The following DNM2 variants were observed in gnomAD, a reference collection of about 807,000 sequenced individuals.
DNM2 encodes dynamin 2.
DNM2 carries 15 observed loss-of-function variants against 99.0 expected under a neutral mutation model. The ratio of observed to expected loss-of-function variants is 0.15; its 90% CI spans 0.10 to 0.23. The LOEUF (loss-of-function observed/expected upper bound fraction) is 0.23, where lower values mean the gene tolerates loss of function less well. Among genes scored for constraint, DNM2 ranks in the 10% least tolerant of loss-of-function variants. The pLI is 1.00. For synonymous variants in DNM2, 525 were observed against 481.2 expected, an observed-to-expected ratio of 1.09 and a Z score of -1.19; for missense variants, 742 against 1,189.4, an observed-to-expected ratio of 0.62 and a Z score of 5.53.
intron 6 of DNM2, 179 bp from the exon 7 acceptor site, chr19:10,786,385 G>T (rs1024710004): frequency 9.5e-7 from 1 of 1,055,418 alleles, no homozygotes; most frequent in Non-Finnish European, 1.4e-6. Context: ...TGCCGTCTCC[G>T]TTCCCAGACA....
chr19:10,807,341 A>G (rs1237639127), intron 13 of DNM2, among the ~76,000 whole-genome samples: 2 of 151,678 alleles, frequency 1.3e-5, no homozygotes, highest in Non-Finnish European at 2.9e-5. Flanking sequence ...CCCGGGTTCA[A>G]GCAATTCTCT....
intron 2 of DNM2, among the ~76,000 whole-genome samples, chr19:10,767,235 T>A (rs986511096): frequency 1.4e-5 from 2 of 143,278 alleles, no homozygotes; most frequent in South Asian, 2.2e-4. Context: ...AAAAAAAAAA[T>A]CATCTCATCT....
intron 1 of DNM2, among the ~76,000 whole-genome samples, chr19:10,739,047 A>T (rs2069640666): frequency 6.6e-6 from 1 of 151,514 alleles, no homozygotes; most frequent in Non-Finnish European, 1.5e-5. Context: ...GGGCGCCTGT[A>T]CTGTAGTCCC....
At chr19:10,723,216 C>T (rs190916536) in intron 1 of DNM2, among the ~76,000 whole-genome samples, 362 of 151,030 alleles carry the variant, frequency 2.4e-3, no homozygotes, top group Non-Finnish European at 4.1e-3. Context: ...CTCACCGCAA[C>T]CTCCCCTCCT....
At chr19:10,781,594 A>T (rs1222192696) in intron 5 of DNM2, 5 of 152,250 alleles carry the variant, frequency 3.3e-5, no homozygotes, top group African/African-American at 1.2e-4. Context: ...CAGCATGGCC[A>T]ACATGGTGAA....
intron 1 of DNM2, among the ~76,000 whole-genome samples, chr19:10,745,775 T>C (rs779452655): frequency 1.6e-4 from 24 of 152,022 alleles, no homozygotes; most frequent in Non-Finnish European, 2.4e-4. Flanking sequence ...CAGGGCAACA[T>C]GAAGGGGAGG....
intron 6 of DNM2, among the ~76,000 whole-genome samples, chr19:10,785,133 C>T (rs1599550166): frequency 1.3e-5 from 2 of 149,548 alleles, no homozygotes; most frequent in Admixed American, 1.3e-4. Flanking sequence ...TTCCCCTCAA[C>T]CCCAGATGGA....
In DNM2 at chr19:10,795,795, G is replaced by A; in HGVS notation, c.1196+356G>A. 1.7e-6 allele frequency: 1 copy of A among 598,980 alleles called. No individual in the cohort carries two copies. Among genetic ancestry groups the A allele is most frequent in the South Asian group, 2.0e-5 (1 of 51,248 alleles). The allele number at this position is 598,980 out of a possible 1,614,324, so 37.1% of individuals were successfully genotyped here. ...AATCAGGGTTTTGGGAAGCCAGCATGAGTCCCCATCATGGCTTCCTCGTGA... is the reference window on the plus strand; with the variant it reads ...AATCAGGGTTTTGGGAAGCCAGCATAAGTCCCCATCATGGCTTCCTCGTGA... On this transcript the variant is annotated intron_variant, in intron 9 of 20. Transcript: ENST00000389253. The surrounding 1 kb of genome is among the most constrained non-coding windows in gnomAD (Gnocchi z 4.2).
intron 3 of DNM2, among the ~76,000 whole-genome samples, chr19:10,773,544 G>A (rs1599525339): frequency 6.6e-6 from 1 of 151,312 alleles, no homozygotes; most frequent in South Asian, 2.1e-4. Flanking sequence ...CACCTCCCGG[G>A]TTCAAGCAAT....
At chr19:10,741,371 A>G (rs957018855) in intron 1 of DNM2, among the ~76,000 whole-genome samples, 4 of 151,914 alleles carry the variant, frequency 2.6e-5, no homozygotes, top group Admixed American at 6.6e-5. Context: ...AGCTGGGACC[A>G]CAGGCGTGTG....
At position 10,775,696 on chromosome 19, in the gene DNM2, C is replaced by A. The variant is rs746890535; in HGVS notation, c.386-7C>A. On this transcript the variant is annotated splice_region_variant and splice_polypyrimidine_tract_variant and intron_variant, in intron 3 of 20. Coordinates refer to ENST00000389253, the MANE Select transcript of DNM2 (RefSeq NM_001005361.3). This position sits in a 1 kb window ranked among gnomAD's most constrained non-coding sequence, Gnocchi z 4.3. ...CTGAATGCCTTTCCTTCTGGTTTCC[C>A]TCCCAGTGTTGAACTTGACCCTCAT... The A allele has an allele frequency of 6.2e-7, 1 of 1,614,136 alleles. No individual in the cohort carries two copies. Among genetic ancestry groups the A allele is most frequent in the South Asian group, 1.1e-5 (1 of 91,062 alleles).
In DNM2 at chr19:10,772,459, C is replaced by T. The variant is rs920150388; in HGVS notation, c.236-20C>T. 5.6e-6 allele frequency: 9 copies of T among 1,613,616 alleles called. No individual in the cohort carries two copies. The highest frequency in any genetic ancestry group is 7.6e-6 in the Non-Finnish European group (9 of 1,179,990). ...GCCCACAGCTCTTTCTCATTTTCAG[C>T]ATCTCTCTTCCCTTTCTAGAACATG... is the stretch of plus-strand genomic sequence containing the variant. On this transcript the variant is annotated intron_variant, in intron 2 of 20. Transcript: ENST00000389253. This position sits in a 1 kb window ranked among gnomAD's most constrained non-coding sequence, Gnocchi z 4.9.
chr19:10,815,933 G>A (rs78688793), intron 15 of DNM2, among the ~76,000 whole-genome samples: 1,621 of 152,206 alleles, frequency 0.011, 11 homozygotes, highest in Non-Finnish European at 0.019. Flanking sequence ...AAAGAGAGGC[G>A]GGCCTCTTGG....
At chr19:10,742,761 C>T (rs539733128) in intron 1 of DNM2, among the ~76,000 whole-genome samples, 12 of 152,264 alleles carry the variant, frequency 7.9e-5, no homozygotes, top group African/African-American at 2.9e-4. Context: ...CTGCTCTTAG[C>T]TGTGTGCCAA....
At chr19:10,745,005 T>A (rs924699187) in intron 1 of DNM2, among the ~76,000 whole-genome samples, 4 of 152,202 alleles carry the variant, frequency 2.6e-5, no homozygotes, top group Non-Finnish European at 2.9e-5. Context: ...AACACTGGCC[T>A]GCAATCACAG....
At chr19:10,752,833 C>A (rs2070243650) in intron 1 of DNM2, among the ~76,000 whole-genome samples, 2 of 152,182 alleles carry the variant, frequency 1.3e-5, no homozygotes, top group African/African-American at 4.8e-5. Flanking sequence ...CATAGTGAGA[C>A]CTTGCCTCTA....
chr19:10,763,215 A>G (rs1392340170), intron 2 of DNM2: 4 of 152,512 alleles, frequency 2.6e-5, no homozygotes, highest in African/African-American at 4.8e-5. Flanking sequence ...AGCTGGGACT[A>G]TAGGCGCACA....
intron 17 of DNM2, 100 bp from the exon 18 acceptor site, chr19:10,824,946 GGGCCAGCCTGA>G: frequency 1.3e-6 from 2 of 1,557,236 alleles, no homozygotes. Flanking sequence ...GGGCTGTCAG[GGGCCAGCCTGA>G]GGTCAGTTAT....
intron 1 of DNM2, among the ~76,000 whole-genome samples, chr19:10,733,284 C>T (rs1450759947): frequency 6.6e-6 from 1 of 150,832 alleles, no homozygotes; most frequent in African/African-American, 2.4e-5. Context: ...CTCCCCCTCT[C>T]GGGCTCAAAC....
Sources: allele counts gnomAD v4.1 joint callset (sites outside exome capture counted in the v4.1 genomes callset), GRCh38; gene constraint gnomAD v4.1.1; non-coding constraint Gnocchi (gnomAD v3.1); transcripts MANE v1.5; gene names NCBI Gene and HGNC (gene_info 2026-07-23, HGNC 2026-07-21).